Variants in WARS2 observed in about 807,000 individuals in gnomAD.
WARS2 encodes tryptophanyl tRNA synthetase 2, mitochondrial.
Under a neutral mutation model 36.5 loss-of-function variants are expected in WARS2, and 28 were observed. The observed-to-expected ratio is 0.77, with a 90% confidence interval of 0.57 to 1.05. The LOEUF (loss-of-function observed/expected upper bound fraction) is 1.05. Among genes scored for constraint, WARS2 ranks in the 50% least tolerant of loss-of-function variants. The probability of loss-of-function intolerance (pLI) is 0.00; values close to 1 mark genes in which losing one functional copy is unlikely to be tolerated. For missense variants in WARS2, 435 were observed against 456.8 expected, an observed-to-expected ratio of 0.95 and a Z score of 0.44; for synonymous variants, 174 against 178.4, an observed-to-expected ratio of 0.98 and a Z score of 0.20.
intron 1 of WARS2, among the ~76,000 whole-genome samples, chr1:119,116,680 G>A (rs1654992642): frequency 6.6e-6 from 1 of 152,222 alleles, no homozygotes; most frequent in Admixed American, 6.5e-5. Flanking sequence ...AGGGAGCTAA[G>A]TGAAATATAA....
At chr1:119,080,197 T>A (rs1282972473) in intron 1 of WARS2, among the ~76,000 whole-genome samples, 1 of 152,156 alleles carries the variant, frequency 6.6e-6, no homozygotes, top group Non-Finnish European at 1.5e-5. Flanking sequence ...AATACCATCC[T>A]GAAATACTTG....
intron 4 of WARS2, among the ~76,000 whole-genome samples, chr1:119,037,972 T>C (rs1648022048): frequency 6.6e-6 from 1 of 152,246 alleles, no homozygotes; most frequent in South Asian, 2.1e-4. Context: ...TGTATTTTAA[T>C]CAATTCTCTT....
chr1:119,036,409 C>T (rs1043319012), intron 4 of WARS2, among the ~76,000 whole-genome samples: 2 of 152,134 alleles, frequency 1.3e-5, no homozygotes, highest in Non-Finnish European at 2.9e-5. Flanking sequence ...CTGGGATGTA[C>T]ATGCAGACAC....
chr1:119,139,435 A>C (rs1269493351), intron 1 of WARS2, among the ~76,000 whole-genome samples: 1 of 152,180 alleles, frequency 6.6e-6, no homozygotes, highest in South Asian at 2.1e-4. Context: ...CTTCATAATC[A>C]TGGAACTATA....
chr1:119,049,245 C>T (rs939404122), intron 2 of WARS2, among the ~76,000 whole-genome samples: 4 of 152,116 alleles, frequency 2.6e-5, no homozygotes, highest in African/African-American at 9.7e-5. Context: ...CTGGGGCAGT[C>T]GGAGGACAAC....
At chr1:119,042,170 C>A (rs181825950) in intron 4 of WARS2, 94 bp downstream of exon 4, 3 of 1,132,160 alleles carry the variant, frequency 2.6e-6, no homozygotes, top group African/African-American at 1.5e-5. Flanking sequence ...TTCTGCACTT[C>A]CCCTTGCCCA....
intron 4 of WARS2, among the ~76,000 whole-genome samples, chr1:119,039,424 CAG>C (rs991618003): frequency 3.7e-4 from 56 of 150,706 alleles, no homozygotes; most frequent in African/African-American, 1.2e-3. Context: ...TACACACAAA[CAG>C]AGAGAGAGAA....
chr1:119,121,003 T>G (rs1655291471), intron 1 of WARS2, among the ~76,000 whole-genome samples: 1 of 152,052 alleles, frequency 6.6e-6, no homozygotes, highest in African/African-American at 2.4e-5. Flanking sequence ...GATACCCACT[T>G]TCACCAATTC....
At chr1:119,039,618 C>T (rs1028185912) in intron 4 of WARS2, among the ~76,000 whole-genome samples, 2 of 152,100 alleles carry the variant, frequency 1.3e-5, no homozygotes, top group African/African-American at 2.4e-5. Flanking sequence ...ATTTCTTGTA[C>T]TTATCATACT....
At chr1:119,078,853 A>G (rs1651970305) in intron 1 of WARS2, among the ~76,000 whole-genome samples, 1 of 152,110 alleles carries the variant, frequency 6.6e-6, no homozygotes, top group Admixed American at 6.5e-5. Context: ...AGATTATTGT[A>G]TCATAGAAGA....
intron 4 of WARS2, among the ~76,000 whole-genome samples, chr1:119,037,113 C>A (rs182613036): frequency 4.6e-4 from 70 of 152,122 alleles, no homozygotes; most frequent in African/African-American, 1.6e-3. Flanking sequence ...TAATGATATC[C>A]CTTTTAATGT....
At chr1:119,062,531 C>T (rs143904543) in intron 2 of WARS2, among the ~76,000 whole-genome samples, 214 of 152,124 alleles carry the variant, frequency 1.4e-3, no homozygotes, top group African/African-American at 5.1e-3. Flanking sequence ...TTGCTTTATA[C>T]AAAAGTTGTA....
rs1414819483 is a variant in WARS2 at position 119,086,026 on chromosome 1, T to C, written c.91-9419A>G. 1.2e-5 allele frequency: 18 copies of C among 1,504,472 alleles called. 1 individual carries two copies. The highest frequency in any genetic ancestry group is 2.4e-5 in the South Asian group (2 of 84,362). The allele number at this position is 1,504,472 out of a possible 1,614,324, so 93.2% of individuals were successfully genotyped here. On this transcript the variant is annotated intron_variant, in intron 1 of 5. Coordinates refer to ENST00000235521, the MANE Select transcript of WARS2 (RefSeq NM_015836.4). ...GCAGTGTGGCACATACCCTGGCTAATTTTTTAAATTTCTCGTAGAGGCAAG... is the reference window on the plus strand; with the variant it reads ...GCAGTGTGGCACATACCCTGGCTAACTTTTTAAATTTCTCGTAGAGGCAAG...
In WARS2 at chr1:119,123,469, G is replaced by A. The variant is rs868439816; in HGVS notation, c.90+17086C>T. Reference sequence around the variant, plus strand: ...GCTTCCCAATTAAATCTGCCTGCAAGTAGAGACTATGTTAATCAGTGAAGA... The same window carrying A: ...GCTTCCCAATTAAATCTGCCTGCAAATAGAGACTATGTTAATCAGTGAAGA... On this transcript the variant is annotated intron_variant, in intron 1 of 5. Coordinates refer to ENST00000235521, the MANE Select transcript of WARS2 (RefSeq NM_015836.4). Among the ~76,000 whole-genome samples the A allele has an allele frequency of 3.3e-5, 5 of 152,324 alleles. No homozygotes were observed. The South Asian group carries it at 6.2e-4, about 19-fold the overall frequency.
chr1:119,076,024 A>C (rs1651700087), intron 2 of WARS2, among the ~76,000 whole-genome samples: 1 of 152,250 alleles, frequency 6.6e-6, no homozygotes, highest in South Asian at 2.1e-4. Context: ...TTAGTCAACA[A>C]CACAAAGTAA....
chr1:119,095,594 G>T (rs1028306842), intron 1 of WARS2, among the ~76,000 whole-genome samples: 1 of 151,940 alleles, frequency 6.6e-6, no homozygotes, highest in South Asian at 2.1e-4. Context: ...CACCGCGCCC[G>T]GCTAATTTTT....
rs185769975 is a variant in WARS2, at chr1:119,136,868, C to T, written c.90+3687G>A. Among the ~76,000 whole-genome samples the T allele has an allele frequency of 1.5e-4, 23 of 152,338 alleles. No homozygotes were observed. The East Asian group carries it at 4.2e-3, about 28-fold the overall frequency. ...TGAAATAAGGTGGCAATACCTGCCT[C>T]AAGGCCTTGTTATGAACAATATCTC... On this transcript the variant is annotated intron_variant, in intron 1 of 5. Transcript: ENST00000235521.
In WARS2 at chr1:119,140,632, A is replaced by C. The variant is rs587620344; in HGVS notation, c.13T>G (p.Ser5Ala). The stretch of plus-strand genomic sequence containing the variant: ...CAGCGCTCACGCGCTTTCCGCATTG[A>C]GTGCAGCGCCATCTTGAGAAGGGCG... MALHSMRKARERWSF... is the reference protein window; with the variant it reads MALHAMRKARERWSF... Residue 5 changes from serine (S) to alanine (A), a missense_variant, in exon 1 of 6, where the codon TCA becomes GCA. Transcript: ENST00000235521. 1 of 1,613,062 alleles carries C rather than the reference A, an allele frequency of 6.2e-7. No individual in the cohort carries two copies. The highest frequency in any genetic ancestry group is 1.1e-5 in the South Asian group (1 of 90,964).
At chr1:119,034,751 A>T (rs1011304912) in intron 4 of WARS2, among the ~76,000 whole-genome samples, 2 of 152,238 alleles carry the variant, frequency 1.3e-5, no homozygotes, top group African/African-American at 4.8e-5. Context: ...TTGCAATCAC[A>T]GGACAATTAA....
Sources: allele counts gnomAD v4.1 joint callset (sites outside exome capture counted in the v4.1 genomes callset), GRCh38; gene constraint gnomAD v4.1.1; transcripts MANE v1.5; gene names NCBI Gene and HGNC (gene_info 2026-07-23, HGNC 2026-07-21).